IGSF21: variants seen among roughly 807,000 people sequenced by gnomAD.
IGSF21 encodes immunoglobulin superfamily member 21.
A neutral mutation model predicts 46.8 loss-of-function variants in IGSF21; 28 were observed. The observed-to-expected ratio is 0.60, with a 90% CI of 0.44 to 0.82. The LOEUF (loss-of-function observed/expected upper bound fraction) is 0.82, where lower values mean the gene tolerates loss of function less well. IGSF21 is among the 40% of genes least tolerant of loss of function. The probability of loss-of-function intolerance (pLI) is 0.00; values close to 1 mark genes in which losing one functional copy is unlikely to be tolerated. For missense variants in IGSF21, 624 were observed against 665.5 expected, an observed-to-expected ratio of 0.94 and a Z score of 0.69; for synonymous variants, 284 against 273.6, an observed-to-expected ratio of 1.04 and a Z score of -0.38.
At chr1:18,351,238 C>T (rs920207971) in intron 4 of IGSF21, among the ~76,000 whole-genome samples, 57 of 151,422 alleles carry the variant, frequency 3.8e-4, no homozygotes, top group African/African-American at 1.3e-3. Context: ...CCTTTCTGCT[C>T]GCTAAGTGGC....
intron 2 of IGSF21, among the ~76,000 whole-genome samples, chr1:18,228,695 T>A (rs2084593937): frequency 6.6e-6 from 1 of 152,202 alleles, no homozygotes; most frequent in African/African-American, 2.4e-5. Flanking sequence ...CAGGGGGCAG[T>A]GATGCTTTTC....
chr1:18,373,821 G>A (rs906654143), intron 6 of IGSF21, among the ~76,000 whole-genome samples: 2 of 152,194 alleles, frequency 1.3e-5, no homozygotes, highest in Non-Finnish European at 2.9e-5. Flanking sequence ...TGCACAATGG[G>A]TTTCGTGATA....
chr1:18,358,924 G>T (rs1213093955), intron 4 of IGSF21, among the ~76,000 whole-genome samples: 1 of 152,060 alleles, frequency 6.6e-6, no homozygotes, highest in African/African-American at 2.4e-5. Flanking sequence ...TTGCTACCCT[G>T]CATTGCAGGT....
rs369669233 is a variant in IGSF21, at chr1:18,147,201, C to T, written c.70+39003C>T. On this transcript the variant is annotated intron_variant, in intron 1 of 9. Transcript: ENST00000251296. ...TATTAAAATGTAAATCAGATCCAGT[C>T]GCTTCCGGGCTTGAACCCCTCCAAG... Among the ~76,000 whole-genome samples, 390 of 152,304 alleles carry T rather than the reference C, an allele frequency of 2.6e-3. 1 individual carries two copies. Among genetic ancestry groups the T allele is most frequent in the Non-Finnish European group, 3.5e-3 (241 of 68,034 alleles).
At chr1:18,238,953 C>A (rs2084698684) in intron 2 of IGSF21, among the ~76,000 whole-genome samples, 1 of 152,156 alleles carries the variant, frequency 6.6e-6, no homozygotes, top group African/African-American at 2.4e-5. Context: ...AACCTCCCCA[C>A]CCCGCTATCT....
chr1:18,252,707 C>T (rs1020532109), intron 2 of IGSF21, among the ~76,000 whole-genome samples: 1 of 152,158 alleles, frequency 6.6e-6, no homozygotes, highest in Admixed American at 6.5e-5. Context: ...CTTGCCCACC[C>T]AAATCTGTCT....
intron 1 of IGSF21, among the ~76,000 whole-genome samples, chr1:18,217,935 G>C (rs184807111): frequency 2.6e-5 from 4 of 152,326 alleles, no homozygotes; most frequent in Admixed American, 2.6e-4. Context: ...GAAATCCTTT[G>C]AAAACTGCCA....
At chr1:18,276,481 C>T (rs919461868) in intron 2 of IGSF21, among the ~76,000 whole-genome samples, 4 of 152,280 alleles carry the variant, frequency 2.6e-5, no homozygotes, top group East Asian at 1.9e-4. Context: ...GATTGGCACA[C>T]GTCTGCCACG....
chr1:18,294,672 G>A (rs1376485922), intron 3 of IGSF21, among the ~76,000 whole-genome samples: 1 of 152,190 alleles, frequency 6.6e-6, no homozygotes, highest in Non-Finnish European at 1.5e-5. Context: ...TCCCCACATG[G>A]GGGCCAATCT....
chr1:18,324,819 G>T (rs2085642006), intron 3 of IGSF21, among the ~76,000 whole-genome samples: 1 of 152,186 alleles, frequency 6.6e-6, no homozygotes, highest in African/African-American at 2.4e-5. Context: ...CCTGATGGAG[G>T]AGAAAACCCA....
intron 6 of IGSF21, among the ~76,000 whole-genome samples, chr1:18,370,378 A>G (rs1442359352): frequency 2.6e-5 from 4 of 152,188 alleles, no homozygotes; most frequent in African/African-American, 9.7e-5. Flanking sequence ...TTAAAAAATG[A>G]CCCTGAAACA....
chr1:18,130,161 A>C (rs910694503), intron 1 of IGSF21, among the ~76,000 whole-genome samples: 6 of 152,072 alleles, frequency 3.9e-5, no homozygotes, highest in Non-Finnish European at 7.4e-5. Context: ...AGCACTGGAC[A>C]CCACCCCCCA....
intron 1 of IGSF21, among the ~76,000 whole-genome samples, chr1:18,223,005 C>T (rs188813385): frequency 3.3e-5 from 5 of 152,298 alleles, no homozygotes; most frequent in African/African-American, 9.6e-5. Flanking sequence ...CCACCTTCTC[C>T]CTCCTCACCC....
intron 3 of IGSF21, among the ~76,000 whole-genome samples, chr1:18,332,028 C>A (rs932486100): frequency 2.0e-5 from 3 of 152,126 alleles, no homozygotes; most frequent in African/African-American, 7.2e-5. Context: ...GAGAAGCTGC[C>A]TTTTTCATAA....
intron 1 of IGSF21, among the ~76,000 whole-genome samples, chr1:18,149,893 C>T (rs186521398): frequency 2.1e-4 from 32 of 152,238 alleles, no homozygotes; most frequent in Non-Finnish European, 4.3e-4. Flanking sequence ...GAATGCCAAG[C>T]GCAAGTTTCA....
In IGSF21 at chr1:18,337,018, T is replaced by TC. The variant is rs1233171455; in HGVS notation, c.424+2011dup. Among the ~76,000 whole-genome samples, 1 of 152,150 alleles carries TC rather than the reference T, an allele frequency of 6.6e-6. No individual in the cohort carries two copies. Among genetic ancestry groups the TC allele is most frequent in the East Asian group, 1.9e-4 (1 of 5,198 alleles). The stretch of plus-strand genomic sequence containing the variant: ...TATGATTCAGTTATCTCCCACTAGG[T>TC]CCCTCCTACAACACATGGGAATTGT... On this transcript the variant is annotated intron_variant, in intron 4 of 9. Transcript: ENST00000251296. The surrounding 1 kb of genome is among the most constrained non-coding windows in gnomAD (Gnocchi z 5.7).
intron 1 of IGSF21, among the ~76,000 whole-genome samples, chr1:18,187,214 G>A (rs909631035): frequency 1.6e-4 from 12 of 75,396 alleles, no homozygotes; most frequent in Admixed American, 1.9e-4. Context: ...GGCAGAGAGA[G>A]AGATACAGAG....
intron 1 of IGSF21, among the ~76,000 whole-genome samples, chr1:18,206,540 C>A (rs2084329492): frequency 6.8e-6 from 1 of 147,770 alleles, no homozygotes; most frequent in South Asian, 2.2e-4. Flanking sequence ...TAGAGTGAGA[C>A]CCCGTCTCAA....
intron 4 of IGSF21, among the ~76,000 whole-genome samples, chr1:18,339,081 GC>G (rs1557650793): frequency 6.6e-6 from 1 of 152,192 alleles, no homozygotes; most frequent in Non-Finnish European, 1.5e-5. Context: ...AAAAAGCAAG[GC>G]CACCCTCCGC....
Sources: allele counts gnomAD v4.1 joint callset (sites outside exome capture counted in the v4.1 genomes callset), GRCh38; gene constraint gnomAD v4.1.1; non-coding constraint Gnocchi (gnomAD v3.1); transcripts MANE v1.5; gene names NCBI Gene and HGNC (gene_info 2026-07-23, HGNC 2026-07-21).